The following LRRC39 variants were observed in gnomAD, a reference collection of about 807,000 sequenced individuals.
LRRC39 encodes leucine-rich repeat-containing protein 39.
Under a neutral mutation model 39.7 loss-of-function variants are expected in LRRC39, and 35 were observed. The ratio of observed to expected loss-of-function variants is 0.88; its 90% CI spans 0.67 to 1.17. The LOEUF is 1.17. Among genes scored for constraint, LRRC39 ranks in the 50% most tolerant of loss-of-function variants. The pLI is 0.00. For synonymous variants in LRRC39, 113 were observed against 134.1 expected (o/e 0.84, Z 1.09); for missense variants, 357 against 385.8 (o/e 0.93, Z 0.62).
At chr1:100,173,240 A>G (rs1180528408) in intron 2 of LRRC39, 91 bp downstream of exon 2, 1 of 147,618 alleles carries the variant, frequency 6.8e-6, no homozygotes, top group Admixed American at 6.8e-5. Context: ...ACTCTGTCTC[A>G]AAAAAAAAAC....
At chr1:100,158,755 C>T (rs1658660316) in intron 5 of LRRC39, among the ~76,000 whole-genome samples, 1 of 152,026 alleles carries the variant, frequency 6.6e-6, no homozygotes, top group South Asian at 2.1e-4. Flanking sequence ...ACTTACTTGC[C>T]AATTTTGTAT....
At chr1:100,179,133 G>A (rs1030091663), upstream of LRRC39, among the ~76,000 whole-genome samples, 28 of 152,160 alleles carry the variant, frequency 1.8e-4, no homozygotes, top group Admixed American at 3.9e-4. Context: ...GCAGTTTAGC[G>A]TGTAGGTGGA....
chr1:100,168,371 C>T (rs1176756879), intron 3 of LRRC39, 33 bp downstream of exon 3: 1 of 1,462,450 alleles, frequency 6.8e-7, no homozygotes, highest in African/African-American at 1.4e-5. Flanking sequence ...TGAATTTTCA[C>T]TAATTCAAAA....
intron 2 of LRRC39, among the ~76,000 whole-genome samples, chr1:100,169,993 G>GATA (rs1659485717): frequency 6.6e-6 from 1 of 152,076 alleles, no homozygotes; most frequent in Admixed American, 6.6e-5. Context: ...GTACTTCCCT[G>GATA]ATGATTAAGT....
intron 9 of LRRC39, among the ~76,000 whole-genome samples, chr1:100,151,126 CAAAAAAAAAAAA>C (rs772782982): frequency 8.2e-4 from 36 of 43,670 alleles, no homozygotes; most frequent in Non-Finnish European, 1.3e-3. Flanking sequence ...AGAAACTCCT[CAAAAAAAAAAAA>C]AAAAAAAAAA....
chr1:100,170,565 G>A (rs1474398892), intron 2 of LRRC39, among the ~76,000 whole-genome samples: 1 of 152,236 alleles, frequency 6.6e-6, no homozygotes, highest in East Asian at 1.9e-4. Flanking sequence ...GATAATGATT[G>A]TACAACTCTT....
intron 4 of LRRC39, 48 bp downstream of exon 4, chr1:100,160,418 C>T: frequency 6.8e-7 from 1 of 1,470,084 alleles, no homozygotes; most frequent in Non-Finnish European, 9.5e-7. Flanking sequence ...TCTCAACTGA[C>T]TCACAAAATG....
At chr1:100,166,027 A>G (rs1256966230) in intron 3 of LRRC39, among the ~76,000 whole-genome samples, 1 of 152,062 alleles carries the variant, frequency 6.6e-6, no homozygotes, top group Non-Finnish European at 1.5e-5. Context: ...GGCGTGAGCC[A>G]CCATGTCTGG....
At chr1:100,162,554 G>A (rs1285324491) in intron 3 of LRRC39, among the ~76,000 whole-genome samples, 2 of 151,884 alleles carry the variant, frequency 1.3e-5, no homozygotes, top group Non-Finnish European at 2.9e-5. Flanking sequence ...CAGGAGAATT[G>A]CTTGAACCTG....
intron 2 of LRRC39, among the ~76,000 whole-genome samples, chr1:100,172,959 CAAA>C (rs35628050): frequency 9.4e-6 from 1 of 106,776 alleles, no homozygotes; most frequent in Non-Finnish European, 2.0e-5. Context: ...GACTCTGTCT[CAAA>C]AAAAAAAAAA....
chr1:100,156,385 G>T, intron 6 of LRRC39, 68 bp from the exon 7 acceptor site: 2 of 1,393,844 alleles, frequency 1.4e-6, no homozygotes, highest in Non-Finnish European at 1.9e-6. Flanking sequence ...ACTCACATTG[G>T]TAAAGGAGAT....
chr1:100,159,386 AT>A lies in LRRC39; in HGVS notation c.248del (p.Asn83IlefsTer14). ...TATGAAGTTGCCATTCCTGTAGTTGATTCAGTTTCAGCAGAGAAGAAGGGAG... is the reference window on the plus strand; with the variant it reads ...TATGAAGTTGCCATTCCTGTAGTTGATCAGTTTCAGCAGAGAAGAAGGGAG... ...KTLPSSLLKL[N>X]QLQEWQLHRT... is the part of the protein sequence containing the mutation. On this transcript the variant is annotated frameshift_variant, in exon 5 of 10. Coordinates refer to ENST00000370137, the MANE Select transcript of LRRC39 (RefSeq NM_144620.4). LOFTEE classifies it high-confidence loss of function. 6.2e-7 allele frequency: 1 copy of A among 1,609,910 alleles called. No homozygotes were observed. Among genetic ancestry groups the A allele is most frequent in the Non-Finnish European group, 8.5e-7 (1 of 1,178,056 alleles).
chr1:100,176,034 T>TTCCATTC (rs1659934051), intron 1 of LRRC39, among the ~76,000 whole-genome samples: 1 of 152,228 alleles, frequency 6.6e-6, no homozygotes, highest in Non-Finnish European at 1.5e-5. Context: ...TTCAAAGGTA[T>TTCCATTC]GTACCTAGAG....
chr1:100,151,445 A>G (rs187304152), intron 9 of LRRC39, among the ~76,000 whole-genome samples: 3 of 152,290 alleles, frequency 2.0e-5, no homozygotes, highest in Admixed American at 6.5e-5. Flanking sequence ...CAATAAATCT[A>G]ATCACCATTT....
upstream of LRRC39, among the ~76,000 whole-genome samples, chr1:100,178,839 C>T (rs1030452620): frequency 6.6e-6 from 1 of 152,188 alleles, no homozygotes; most frequent in East Asian, 1.9e-4. Context: ...ACCCCTTCCA[C>T]CATCCCTGCC....
intron 1 of LRRC39, among the ~76,000 whole-genome samples, chr1:100,174,731 A>C (rs966255124): frequency 1.3e-5 from 2 of 152,196 alleles, no homozygotes; most frequent in African/African-American, 2.4e-5. Flanking sequence ...ACAATATAGG[A>C]CTTATCTTGA....
chr1:100,149,949 A>G (rs1010512221), intron 9 of LRRC39: 2 of 152,528 alleles, frequency 1.3e-5, no homozygotes, highest in African/African-American at 2.4e-5. Context: ...AAGCCTAACC[A>G]ATTTAAAATT....
chr1:100,156,352 T>C, intron 6 of LRRC39, 35 bp from the exon 7 acceptor site: 2 of 1,575,468 alleles, frequency 1.3e-6, no homozygotes, highest in Non-Finnish European at 1.7e-6. Context: ...AAAATAAATG[T>C]CCACAATGTA....
intron 6 of LRRC39, among the ~76,000 whole-genome samples, chr1:100,156,522 A>G (rs1658458987): frequency 6.6e-6 from 1 of 152,260 alleles, no homozygotes; most frequent in Non-Finnish European, 1.5e-5. Flanking sequence ...TAGAAAGTTC[A>G]TCTATTTGAA....
Sources: gnomAD v4.1 joint callset for allele counts (sites outside exome capture counted in the v4.1 genomes callset) on GRCh38, gnomAD v4.1.1 for gene constraint, MANE v1.5 for transcripts, NCBI Gene and HGNC (gene_info 2026-07-23, HGNC 2026-07-21) for gene names.